The following ANKRD17 variants were observed in gnomAD, a reference collection of about 807,000 sequenced individuals.
ANKRD17 encodes ankyrin repeat domain 17.
In ANKRD17, 19 loss-of-function variants were observed where a neutral mutation model predicts 229.7. That is an observed-to-expected ratio of 0.08 (90% CI 0.06 to 0.12). The LOEUF (loss-of-function observed/expected upper bound fraction) is 0.12. Ranked by LOEUF, ANKRD17 falls within the 10% of genes least tolerant of loss-of-function variation. ANKRD17 has a pLI of 1.00. For synonymous variants in ANKRD17, 1,112 were observed against 1,146.1 expected, an observed-to-expected ratio of 0.97 and a Z score of 0.60; for missense variants, 2,176 against 3,176.8, an observed-to-expected ratio of 0.68 and a Z score of 7.57.
At chr4:73,154,684 C>T (rs1407357501) in intron 5 of ANKRD17, among the ~76,000 whole-genome samples, 1 of 152,096 alleles carries the variant, frequency 6.6e-6, no homozygotes, top group East Asian at 1.9e-4. Context: ...CAAGAAAAAT[C>T]AACCTTCTGG....
chr4:73,076,311 T>C (rs1265421465), intron 33 of ANKRD17, 21 bp from the exon 34 acceptor site: 4 of 1,552,236 alleles, frequency 2.6e-6, no homozygotes, highest in Non-Finnish European at 3.5e-6. Flanking sequence ...AGAGCATGCA[T>C]TTTACAAAAT....
chr4:73,205,638 C>G (rs145933969), intron 1 of ANKRD17, among the ~76,000 whole-genome samples: 184 of 152,228 alleles, frequency 1.2e-3, no homozygotes, highest in African/African-American at 4.2e-3. Context: ...TGCAAAACTA[C>G]TAGAAGAAAA....
intron 1 of ANKRD17, among the ~76,000 whole-genome samples, chr4:73,187,622 C>A (rs369266626): frequency 8.5e-5 from 13 of 152,294 alleles, no homozygotes; most frequent in African/African-American, 2.6e-4. Flanking sequence ...TGTAAGGAGG[C>A]CTTTGAGCAC....
intron 25 of ANKRD17, chr4:73,098,961 A>T (rs1470053758): frequency 1.0e-6 from 1 of 982,336 alleles, no homozygotes; most frequent in East Asian, 2.4e-5. Context: ...AGTCAGAAGG[A>T]GCCCAGTGAA....
chr4:73,195,614 T>A (rs1240870662), intron 1 of ANKRD17, among the ~76,000 whole-genome samples: 1 of 152,026 alleles, frequency 6.6e-6, no homozygotes, highest in Non-Finnish European at 1.5e-5. Flanking sequence ...GTTCAAGCTA[T>A]TCTCCTGCTT....
chr4:73,222,737 CAT>C (rs1742021993), intron 1 of ANKRD17, among the ~76,000 whole-genome samples: 1 of 152,144 alleles, frequency 6.6e-6, no homozygotes, highest in South Asian at 2.1e-4. Context: ...CCCTAACAAA[CAT>C]ATATCTACAA....
intron 1 of ANKRD17, among the ~76,000 whole-genome samples, chr4:73,187,344 G>C (rs1379020688): frequency 6.6e-6 from 1 of 152,118 alleles, no homozygotes; most frequent in Non-Finnish European, 1.5e-5. Flanking sequence ...AAAGAAACCA[G>C]TATAATACAA....
At chr4:73,176,201 G>C (rs1470223875) in intron 2 of ANKRD17, among the ~76,000 whole-genome samples, 1 of 152,010 alleles carries the variant, frequency 6.6e-6, no homozygotes, top group Non-Finnish European at 1.5e-5. Context: ...CATATGAAAA[G>C]GTATCAACAT....
chr4:73,248,114 TATAG>T lies in ANKRD17; in HGVS notation c.393+10158_393+10161del, dbSNP rs551424016. ...CCTGCATCAATCACAAGTATATTAA[TATAG>T]ATACTCTCCTTTCTTACTATAAAAC... On this transcript the variant is annotated intron_variant, in intron 1 of 33. Coordinates refer to ENST00000358602, the MANE Select transcript of ANKRD17 (RefSeq NM_032217.5). Among the ~76,000 whole-genome samples the T allele has an allele frequency of 1.7e-3, 261 of 152,132 alleles. 1 individual carries two copies. The highest frequency in any genetic ancestry group is 6.0e-3 in the African/African-American group (249 of 41,562).
chr4:73,193,281 G>T (rs1023008811), intron 1 of ANKRD17, among the ~76,000 whole-genome samples: 18 of 152,144 alleles, frequency 1.2e-4, no homozygotes, highest in Non-Finnish European at 2.4e-4. Context: ...TCATCATATG[G>T]ATGTATCACA....
At chr4:73,222,883 C>T in intron 1 of ANKRD17, 1 of 1,060,648 alleles carries the variant, frequency 9.4e-7, no homozygotes, top group Non-Finnish European at 1.4e-6. Context: ...TTGCTCTCTC[C>T]TCTAATCTAT....
chr4:73,208,318 A>G (rs1739790699), intron 1 of ANKRD17, among the ~76,000 whole-genome samples: 1 of 152,194 alleles, frequency 6.6e-6, no homozygotes, highest in Non-Finnish European at 1.5e-5. Flanking sequence ...AACAAAATAA[A>G]CCATATTCTG....
chr4:73,225,666 C>G (rs1482214724), intron 1 of ANKRD17, among the ~76,000 whole-genome samples: 1 of 151,812 alleles, frequency 6.6e-6, no homozygotes, highest in Non-Finnish European at 1.5e-5. Flanking sequence ...CGAGAAGAGT[C>G]TGACTAACAT....
intron 1 of ANKRD17, among the ~76,000 whole-genome samples, chr4:73,248,197 A>T (rs184751718): frequency 1.7e-4 from 26 of 152,080 alleles, no homozygotes; most frequent in Admixed American, 1.5e-3. Context: ...GTTGTCAAGG[A>T]CACTCTAGAA....
intron 1 of ANKRD17, among the ~76,000 whole-genome samples, chr4:73,183,450 T>C (rs1735851003): frequency 6.6e-6 from 1 of 152,028 alleles, no homozygotes; most frequent in South Asian, 2.1e-4. Context: ...AGAGGGTTTT[T>C]TTGTTTTGTT....
intron 23 of ANKRD17, 51 bp from the exon 24 acceptor site, chr4:73,113,959 A>C (rs754230178): frequency 7.5e-7 from 1 of 1,340,202 alleles, no homozygotes. Context: ...ATTCTCACTT[A>C]GAGAAATTCC....
At chr4:73,090,343 G>C (rs1459820692) in intron 29 of ANKRD17, among the ~76,000 whole-genome samples, 1 of 152,216 alleles carries the variant, frequency 6.6e-6, no homozygotes, top group Non-Finnish European at 1.5e-5. Flanking sequence ...CTGGGAGGCA[G>C]AGGTTGCGGT....
intron 1 of ANKRD17, among the ~76,000 whole-genome samples, chr4:73,256,194 A>T (rs1179910679): frequency 1.3e-5 from 2 of 152,208 alleles, no homozygotes; most frequent in African/African-American, 4.8e-5. Flanking sequence ...AGGAAAACAA[A>T]CCTGACCCAC....
At chr4:73,229,620 C>A (rs1374395685) in intron 1 of ANKRD17, among the ~76,000 whole-genome samples, 6 of 149,102 alleles carry the variant, frequency 4.0e-5, no homozygotes, top group Non-Finnish European at 5.9e-5. Flanking sequence ...AAAAAAAAAA[C>A]CCAACCACAA....
Sources: allele counts gnomAD v4.1 joint callset (sites outside exome capture counted in the v4.1 genomes callset), GRCh38; gene constraint gnomAD v4.1.1; transcripts MANE v1.5; gene names NCBI Gene and HGNC (gene_info 2026-07-23, HGNC 2026-07-21).